The following CCDC137 variants were observed in gnomAD, a reference collection of about 807,000 sequenced individuals.
The protein encoded by CCDC137 is coiled-coil domain containing 137, also known as coiled-coil domain-containing protein 137.
Under a neutral mutation model 30.4 loss-of-function variants are expected in CCDC137, and 24 were observed. That is an observed-to-expected ratio of 0.79 (90% CI 0.57 to 1.11). The LOEUF is 1.11. CCDC137 is among the 50% of genes least tolerant of loss of function. The probability of loss-of-function intolerance (pLI) is 0.00; values close to 1 mark genes in which losing one functional copy is unlikely to be tolerated. For missense variants in CCDC137, 417 were observed against 380.4 expected (o/e 1.10, Z -0.80); for synonymous variants, 182 against 155.7 (o/e 1.17, Z -1.26).
chr17:81,671,549 G>T (rs919244367), intron 3 of CCDC137, 195 bp from the exon 4 acceptor site: 1 of 584,676 alleles, frequency 1.7e-6, no homozygotes, highest in Non-Finnish European at 3.1e-6. Flanking sequence ...TGAGGGGCCT[G>T]TTGGGGTCAG....
Position 81,671,822 on chromosome 17 carries a change from C to G in CCDC137, c.576C>G (p.Leu192=). ...CAGACAGGCTGGAGCAGGAGTTGCTCCGAGGTAGCTCTTCCCAAAGCGATG... is the reference window on the plus strand; with the variant it reads ...CAGACAGGCTGGAGCAGGAGTTGCTGCGAGGTAGCTCTTCCCAAAGCGATG... ...KAADRLEQEL[L]RDTVKFGEVV... The change falls in exon 4 of 6, where the codon CTC becomes CTG. Residue 192 remains leucine, a synonymous_variant. Transcript: ENST00000329214. 6.2e-7 allele frequency: 1 copy of G among 1,613,242 alleles called. No individual in the cohort carries two copies. Among genetic ancestry groups the G allele is most frequent in the Non-Finnish European group, 8.5e-7 (1 of 1,179,796 alleles).
rs1383887970 is a variant in CCDC137, at chr17:81,672,124, C to T, written c.629C>T (p.Ala210Val). 1 of 1,613,956 alleles carries T rather than the reference C, an allele frequency of 6.2e-7. No individual in the cohort carries two copies. Among genetic ancestry groups the T allele is most frequent in the East Asian group, 2.2e-5 (1 of 44,890 alleles). Reference protein sequence around the residue: ...EVVLQPPELTARPQRSVSKDQ... With the variant: ...EVVLQPPELTVRPQRSVSKDQ... ...GTCCTGCAGCCCCCAGAGCTGACTG[C>T]CAGGCCCCAGAGGAGCGTAAGCAAG... is the stretch of plus-strand genomic sequence containing the variant. The change falls in exon 5 of 6, where the codon GCC (alanine) becomes GTC (valine). Residue 210 changes from alanine (A) to valine (V), a missense_variant. Ala to Val is a moderately conservative substitution (Grantham distance 64). Transcript: ENST00000329214.
chr17:81,670,148 G>A, intron 2 of CCDC137, 77 bp from the exon 3 acceptor site: 1 of 1,132,396 alleles, frequency 8.8e-7, no homozygotes, highest in East Asian at 2.5e-5. Flanking sequence ...TGTGGCTTTG[G>A]GAGGGGAAAT....
chr17:81,672,831 T>C lies in CCDC137; in HGVS notation c.*127T>C, dbSNP rs1195633514. The C allele has an allele frequency of 3.3e-6, 3 of 895,642 alleles. No individual in the cohort carries two copies. Among genetic ancestry groups the C allele is most frequent in the East Asian group, 2.7e-5 (1 of 37,576 alleles). 55.5% of individuals were successfully genotyped at this position (895,642 alleles called of 1,614,324 possible). Reference sequence around the variant, plus strand: ...AGGCCTCCAGCTACTTGTTCACACGTTGGGCACTAGTGGGTCCACATCTTG... The same window carrying C: ...AGGCCTCCAGCTACTTGTTCACACGCTGGGCACTAGTGGGTCCACATCTTG... On this transcript the variant is annotated 3_prime_UTR_variant, in exon 6 of 6. Coordinates refer to ENST00000329214, the MANE Select transcript of CCDC137 (RefSeq NM_199287.3).
At chr17:81,671,265 C>T (rs1279028292) in intron 3 of CCDC137, among the ~76,000 whole-genome samples, 1 of 152,168 alleles carries the variant, frequency 6.6e-6, no homozygotes, top group Non-Finnish European at 1.5e-5. Flanking sequence ...GAACGTGGCC[C>T]AGATACAGCC....
At position 81,673,535 on chromosome 17, in the gene CCDC137, A is replaced by C. The variant is rs1157103366; in HGVS notation, c.*831A>C. 1 of 152,272 alleles carries C rather than the reference A, an allele frequency of 6.6e-6. No homozygotes were observed. The highest frequency in any genetic ancestry group is 2.4e-5 in the African/African-American group (1 of 41,458). 9.4% of individuals were successfully genotyped at this position (152,272 alleles called of 1,614,324 possible). A position where few individuals can be genotyped will look rare whatever the true frequency, so the allele number is the denominator to read the frequency against. ...AGGTCACAGAGTGGGGCCCAGGGGG[A>C]GTTCCTGCTGAGGGCAGGGCCTTGC... is the stretch of plus-strand genomic sequence containing the variant. On this transcript the variant is annotated 3_prime_UTR_variant, in exon 6 of 6. Transcript: ENST00000329214.
In CCDC137 at chr17:81,670,472, G is replaced by T; in HGVS notation, c.497+19G>T. ...AAAAAGCGTGAGTGGAGGCGGGAGGGGGAGGGGTCTGCCCTGGGAGCCGGA... is the reference window on the plus strand; with the variant it reads ...AAAAAGCGTGAGTGGAGGCGGGAGGTGGAGGGGTCTGCCCTGGGAGCCGGA... On this transcript the variant is annotated intron_variant, in intron 3 of 5. Transcript: ENST00000329214. 1 of 1,601,460 alleles carries T rather than the reference G, an allele frequency of 6.2e-7. No homozygotes were observed. The highest frequency in any genetic ancestry group is 8.5e-7 in the Non-Finnish European group (1 of 1,172,430).
chr17:81,666,963 C>T (rs2036640208), intron 1 of CCDC137, 63 bp downstream of exon 1: 2 of 1,238,242 alleles, frequency 1.6e-6, no homozygotes, highest in African/African-American at 1.6e-5. Flanking sequence ...TTGAAGGCTC[C>T]GCCCGGGACC....
intron 1 of CCDC137, 74 bp downstream of exon 1, chr17:81,666,974 C>T: frequency 8.9e-6 from 11 of 1,232,020 alleles, no homozygotes; most frequent in Non-Finnish European, 1.1e-5. Flanking sequence ...GCCCGGGACC[C>T]CCTAGGGAGC....
In CCDC137 at chr17:81,670,360, A is replaced by T. The variant is rs1388013701; in HGVS notation, c.404A>T (p.His135Leu). ...CACCGCATGCAGCAAGAGGCCCAGC[A>T]TGTGCTGTTCCTCAGCAAGAACCAG... ...YIHRMQQEAQ[H>L]VLFLSKNQAI... is the part of the protein sequence containing the mutation. The change falls in exon 3 of 6, where the codon CAT (histidine) becomes CTT (leucine). Residue 135 changes from histidine (H) to leucine (L), a missense_variant. By Grantham distance (99) the His-to-Leu change is moderately conservative. Coordinates refer to ENST00000329214, the MANE Select transcript of CCDC137 (RefSeq NM_199287.3). 1 of 1,613,972 alleles carries T rather than the reference A, an allele frequency of 6.2e-7. No homozygotes were observed. Among genetic ancestry groups the T allele is most frequent in the Non-Finnish European group, 8.5e-7 (1 of 1,179,998 alleles).
Position 81,666,763 on chromosome 17 carries a change from G to A in CCDC137, c.-4G>A. 6 of 1,463,690 alleles carry A rather than the reference G, an allele frequency of 4.1e-6. No individual in the cohort carries two copies. Among genetic ancestry groups the A allele is most frequent in the Non-Finnish European group, 5.4e-6 (6 of 1,112,282 alleles). The allele number at this position is 1,463,690 out of a possible 1,614,324, so 90.7% of individuals were successfully genotyped here. On this transcript the variant is annotated 5_prime_UTR_variant, in exon 1 of 6. Transcript: ENST00000329214. Reference sequence around the variant, plus strand: ...GCTTCGCTAGGGAGCCTCCCGGCGTGGAGATGGCGGGAGCTGGTCGCGGAG... The same window carrying A: ...GCTTCGCTAGGGAGCCTCCCGGCGTAGAGATGGCGGGAGCTGGTCGCGGAG...
chr17:81,672,843 G>A lies in CCDC137; in HGVS notation c.*139G>A. 1.2e-6 allele frequency: 1 copy of A among 800,004 alleles called. No individual in the cohort carries two copies. Among genetic ancestry groups the A allele is most frequent in the Non-Finnish European group, 1.9e-6 (1 of 517,438 alleles). The allele number at this position is 800,004 out of a possible 1,614,324, so 49.6% of individuals were successfully genotyped here. On this transcript the variant is annotated 3_prime_UTR_variant, in exon 6 of 6. Coordinates refer to ENST00000329214, the MANE Select transcript of CCDC137 (RefSeq NM_199287.3). ...ACTTGTTCACACGTTGGGCACTAGTGGGTCCACATCTTGCAGGGGGTGAGT... is the reference window on the plus strand; with the variant it reads ...ACTTGTTCACACGTTGGGCACTAGTAGGTCCACATCTTGCAGGGGGTGAGT...
rs775504743 is a variant in CCDC137 at position 81,672,128 on chromosome 17, G to T, written c.633G>T (p.Arg211Ser). The T allele has an allele frequency of 1.2e-6, 2 of 1,613,998 alleles. No homozygotes were observed. The highest frequency in any genetic ancestry group is 2.7e-5 in the African/African-American group (2 of 74,890). Residue 211 changes from arginine (R) to serine (S), a missense_variant, in exon 5 of 6, where the codon AGG becomes AGT. By Grantham distance (110) the Arg-to-Ser change is moderately radical (BLOSUM62 -1). Coordinates refer to ENST00000329214, the MANE Select transcript of CCDC137 (RefSeq NM_199287.3). ...TGCAGCCCCCAGAGCTGACTGCCAGGCCCCAGAGGAGCGTAAGCAAGGACC... is the reference window on the plus strand; with the variant it reads ...TGCAGCCCCCAGAGCTGACTGCCAGTCCCCAGAGGAGCGTAAGCAAGGACC... ...VVLQPPELTA[R>S]PQRSVSKDQP... is the part of the protein sequence containing the mutation.
At chr17:81,672,405 C>T (rs1022305062) in intron 5 of CCDC137, 90 bp from the exon 6 acceptor site, 14 of 1,288,280 alleles carry the variant, frequency 1.1e-5, no homozygotes, top group South Asian at 2.7e-5. Flanking sequence ...GCAGTGTTCT[C>T]GCTGGCGGGA....
At position 81,672,882 on chromosome 17, in the gene CCDC137, G is replaced by A; in HGVS notation, c.*178G>A. The stretch of plus-strand genomic sequence containing the variant: ...CAGGGGGTGAGTGCCCGATGGACTA[G>A]GGCCAAGGCCTGGTTGACAGACGGC... On this transcript the variant is annotated 3_prime_UTR_variant, in exon 6 of 6. Coordinates refer to ENST00000329214, the MANE Select transcript of CCDC137 (RefSeq NM_199287.3). 1.6e-6 allele frequency: 1 copy of A among 632,200 alleles called. No homozygotes were observed. The highest frequency in any genetic ancestry group is 2.7e-6 in the Non-Finnish European group (1 of 370,506). 39.2% of individuals were successfully genotyped at this position (632,200 alleles called of 1,614,324 possible).
intron 2 of CCDC137, 31 bp from the exon 3 acceptor site, chr17:81,670,194 T>C: frequency 6.4e-7 from 1 of 1,565,026 alleles, no homozygotes; most frequent in Non-Finnish European, 8.7e-7. Flanking sequence ...GTCTGCCTCC[T>C]GCCTCCTCTG....
At chr17:81,669,511 A>G (rs895985428) in intron 2 of CCDC137, among the ~76,000 whole-genome samples, 6 of 151,880 alleles carry the variant, frequency 4.0e-5, no homozygotes, top group Admixed American at 3.9e-4. Flanking sequence ...CCTGTGTTCT[A>G]CACTCGCCCG....
In CCDC137 at chr17:81,670,275, C is replaced by T; in HGVS notation, c.319C>T (p.Pro107Ser). 6.2e-7 allele frequency: 1 copy of T among 1,614,010 alleles called. No homozygotes were observed. The highest frequency in any genetic ancestry group is 8.5e-7 in the Non-Finnish European group (1 of 1,180,028). Residue 107 changes from proline (P) to serine (S), a missense_variant, in exon 3 of 6, where the codon CCC becomes TCC. Pro to Ser is a moderately conservative substitution (Grantham distance 74). Coordinates refer to ENST00000329214, the MANE Select transcript of CCDC137 (RefSeq NM_199287.3). ...GGAGAAGGAAGCAAAGGGAGAGGAG[C>T]CCGACATCGCAGTCCCCAAGTTCAA... The part of the protein sequence containing the change: ...TLEKEAKGEE[P>S]DIAVPKFKQR...
At chr17:81,670,145 T>G (rs2144442111) in intron 2 of CCDC137, 80 bp from the exon 3 acceptor site, 2 of 1,095,936 alleles carry the variant, frequency 1.8e-6, no homozygotes, top group South Asian at 1.5e-5. Flanking sequence ...TCCTGTGGCT[T>G]TGGGAGGGGA....
Sources: gnomAD v4.1 joint callset for allele counts (sites outside exome capture counted in the v4.1 genomes callset) on GRCh38, gnomAD v4.1.1 for gene constraint, MANE v1.5 for transcripts, NCBI Gene and HGNC (gene_info 2026-07-23, HGNC 2026-07-21) for gene names.